COL14A1: variants seen among roughly 807,000 people sequenced by gnomAD.
COL14A1 encodes collagen alpha-1(XIV) chain.
Under a neutral mutation model 230.3 loss-of-function variants are expected in COL14A1, and 136 were observed. The ratio of observed to expected loss-of-function variants is 0.59; its 90% confidence interval spans 0.51 to 0.68. COL14A1 has a LOEUF of 0.68. COL14A1 is among the 30% of genes least tolerant of loss of function. COL14A1 has a pLI of 0.00. For missense variants in COL14A1, 1,976 were observed against 2,215.8 expected (o/e 0.89, Z 2.17); for synonymous variants, 792 against 784.1 (o/e 1.01, Z -0.17).
chr8:120,278,177 G>C lies in COL14A1; in HGVS notation c.3280G>C (p.Glu1094Gln). 1 of 1,612,170 alleles carries C rather than the reference G, an allele frequency of 6.2e-7. No individual in the cohort carries two copies. The highest frequency in any genetic ancestry group is 8.5e-7 in the Non-Finnish European group (1 of 1,179,066). ...TAAACTAAATGCTTACAAAACCAAA[G>C]AGACTCTTCTTGATGCAATTAAACA... The part of the protein sequence containing the change: ...EFKLNAYKTK[E>Q]TLLDAIKHIS... Residue 1094 changes from glutamate to glutamine, a missense_variant, in exon 27 of 48, where the codon GAG becomes CAG. Transcript: ENST00000297848.
chr8:120,255,294 G>A lies in COL14A1; in HGVS notation c.2807G>A (p.Cys936Tyr), dbSNP rs773388578. Reference sequence around the variant, plus strand: ...AAACATGTTGAAATGACCAGCTTGTGTGCCCACTGGCAGGTACATCGCCAT... The same window carrying A: ...AAACATGTTGAAATGACCAGCTTGTATGCCCACTGGCAGGTACATCGCCAT... The part of the protein sequence containing the change: ...QAKHVEMTSL[C>Y]AHWQVHRHAT... The change falls in exon 23 of 48, where the codon TGT (cysteine) becomes TAT (tyrosine). Residue 936 changes from cysteine to tyrosine, a missense_variant. Cys to Tyr is a radical substitution (Grantham distance 194, BLOSUM62 -2). Transcript: ENST00000297848. 3 of 1,614,162 alleles carry A rather than the reference G, an allele frequency of 1.9e-6. No individual in the cohort carries two copies. The highest frequency in any genetic ancestry group is 2.5e-6 in the Non-Finnish European group (3 of 1,180,014).
chr8:120,354,444 A>G (rs1362021149), intron 45 of COL14A1, among the ~76,000 whole-genome samples: 1 of 151,912 alleles, frequency 6.6e-6, no homozygotes, highest in East Asian at 1.9e-4. Context: ...TCTTTGATTA[A>G]CCCCATCTTT....
chr8:120,184,224 GATTTATTTATTTATTTATTT>G (rs10689956), intron 5 of COL14A1, among the ~76,000 whole-genome samples: 6 of 135,574 alleles, frequency 4.4e-5, no homozygotes, highest in African/African-American at 1.1e-4. Context: ...GGGGGGAAGA[GATTTATTTATTTATTTATTT>G]ATTTATTTAT....
intron 37 of COL14A1, among the ~76,000 whole-genome samples, chr8:120,313,511 C>T (rs1208917720): frequency 2.0e-5 from 3 of 151,888 alleles, no homozygotes; most frequent in African/African-American, 7.3e-5. Context: ...GCAGAGGAGT[C>T]CCCCCGAGGT....
At chr8:120,227,087 T>G in intron 16 of COL14A1, 133 bp from the exon 17 acceptor site, 2 of 957,372 alleles carry the variant, frequency 2.1e-6, no homozygotes, top group South Asian at 3.8e-5. Flanking sequence ...GTCTCTGGCT[T>G]GACCTTAAAA....
rs1171572474 is a variant in COL14A1, at chr8:120,352,012, C to T, written c.5077+6449C>T. Among the ~76,000 whole-genome samples, 80 of 86,032 alleles carry T rather than the reference C, an allele frequency of 9.3e-4. 13 individuals are homozygous for T. Among genetic ancestry groups the T allele is most frequent in the Middle Eastern group, 4.9e-3 (1 of 206 alleles). The allele number at this position is 86,032 out of a possible 152,430, so 56.4% of individuals were successfully genotyped here. On this transcript the variant is annotated intron_variant, in intron 45 of 47. Coordinates refer to ENST00000297848, the MANE Select transcript of COL14A1 (RefSeq NM_021110.4). Reference sequence around the variant, plus strand: ...CAATAAAATACTGGCAAAACGAATCCGGCAGCACATCAAAAAGCTTATCCA... The same window carrying T: ...CAATAAAATACTGGCAAAACGAATCTGGCAGCACATCAAAAAGCTTATCCA...
chr8:120,204,980 C>G (rs746635034), intron 9 of COL14A1, among the ~76,000 whole-genome samples: 2 of 152,094 alleles, frequency 1.3e-5, no homozygotes, highest in Non-Finnish European at 2.9e-5. Context: ...ACCTCTCACA[C>G]CAACCTAGCT....
chr8:120,332,362 C>T (rs1373152331), intron 41 of COL14A1, among the ~76,000 whole-genome samples, 168 bp downstream of exon 41: 1 of 152,164 alleles, frequency 6.6e-6, no homozygotes, highest in Middle Eastern at 3.2e-3. Flanking sequence ...AGATAATATA[C>T]CCATATTGCC....
rs537907022 is a variant in COL14A1 at position 120,349,205 on chromosome 8, G to C, written c.5077+3642G>C. 9.2e-3 allele frequency among the ~76,000 whole-genome samples: 1,398 copies of C among 151,596 alleles called. 9 individuals carry two copies. The highest frequency in any genetic ancestry group is 0.017 in the Middle Eastern group (5 of 292). On this transcript the variant is annotated intron_variant, in intron 45 of 47. Transcript: ENST00000297848. ...CTGTTAGAAGGAAAACTAACAAACA[G>C]AAAGGACATCCACACCAAAAACCCA...
At chr8:120,287,571 G>T (rs1416781538) in intron 33 of COL14A1, among the ~76,000 whole-genome samples, 1 of 152,122 alleles carries the variant, frequency 6.6e-6, no homozygotes, top group Non-Finnish European at 1.5e-5. Context: ...TTAGGTGAAG[G>T]TTAAGCTTTA....
intron 5 of COL14A1, among the ~76,000 whole-genome samples, chr8:120,176,590 G>A (rs908474624): frequency 4.6e-5 from 7 of 152,166 alleles, no homozygotes; most frequent in Admixed American, 3.9e-4. Flanking sequence ...GGGACTGTTA[G>A]GGTTTTAATT....
chr8:120,243,946 TCA>T lies in COL14A1; in HGVS notation c.2420_2421del (p.Thr807SerfsTer36). The T allele has an allele frequency of 6.2e-7, 1 of 1,613,580 alleles. No individual in the cohort carries two copies. The highest frequency in any genetic ancestry group is 8.5e-7 in the Non-Finnish European group (1 of 1,179,730). On this transcript the variant is annotated frameshift_variant, in exon 20 of 48. Coordinates refer to ENST00000297848, the MANE Select transcript of COL14A1 (RefSeq NM_021110.4). LOFTEE classifies it high-confidence loss of function. ...CTGCTTCCTGATACTGAATACAAAG[TCA>T]CAGTGACTCCCATCTACACGGATGG...
At chr8:120,162,350 C>A (rs2130543989) in intron 3 of COL14A1, 76 bp from the exon 4 acceptor site, 2 of 1,240,956 alleles carry the variant, frequency 1.6e-6, no homozygotes, top group Non-Finnish European at 2.2e-6. Flanking sequence ...ACCATAATTG[C>A]TAACTAATAA....
chr8:120,255,794 T>C (rs962766531), intron 23 of COL14A1, among the ~76,000 whole-genome samples: 5 of 150,980 alleles, frequency 3.3e-5, no homozygotes, highest in African/African-American at 1.2e-4. Context: ...TTTTTTTTTT[T>C]CTTTTGGGGA....
In COL14A1 at chr8:120,206,985, C is replaced by T; in HGVS notation, c.1082C>T (p.Thr361Ile). Residue 361 changes from threonine (T) to isoleucine (I), a missense_variant, in exon 10 of 48, where the codon ACT (threonine) becomes ATT (isoleucine). By Grantham distance (89) the Thr-to-Ile change is moderately conservative. Transcript: ENST00000297848. Reference sequence around the variant, plus strand: ...ACTGGGCCGCCTACGGAGTTGATTACTTCTGAAGTCACTGCCAGAAGCTTT... The same window carrying T: ...ACTGGGCCGCCTACGGAGTTGATTATTTCTGAAGTCACTGCCAGAAGCTTT... ...AITGPPTELI[T>I]SEVTARSFMV... 1.2e-6 allele frequency: 2 copies of T among 1,613,744 alleles called. No homozygotes were observed. Among genetic ancestry groups the T allele is most frequent in the Non-Finnish European group, 1.7e-6 (2 of 1,179,890 alleles).
At chr8:120,160,430 A>T (rs886868852) in intron 3 of COL14A1, among the ~76,000 whole-genome samples, 2 of 152,240 alleles carry the variant, frequency 1.3e-5, no homozygotes, top group East Asian at 3.9e-4. Flanking sequence ...CTGAGGAATC[A>T]CAGAATTGTA....
chr8:120,274,535 C>T (rs1293466057), intron 26 of COL14A1, among the ~76,000 whole-genome samples: 1 of 151,654 alleles, frequency 6.6e-6, no homozygotes, highest in African/African-American at 2.4e-5. Flanking sequence ...AGAAGTTAAA[C>T]TATTACTGTG....
In COL14A1 at chr8:120,211,284, T is replaced by C. The variant is rs28503413; in HGVS notation, c.1468-1164T>C. Reference sequence around the variant, plus strand: ...GGAATGGAAAATAGTGGTATATTTATAGAAAAGAATATCATAAAGGAATTA... The same window carrying C: ...GGAATGGAAAATAGTGGTATATTTACAGAAAAGAATATCATAAAGGAATTA... On this transcript the variant is annotated intron_variant, in intron 12 of 47. Transcript: ENST00000297848. Among the ~76,000 whole-genome samples, 141 of 152,294 alleles carry C rather than the reference T, an allele frequency of 9.3e-4. 1 individual carries two copies. The highest frequency in any genetic ancestry group is 3.2e-3 in the African/African-American group (135 of 41,578).
chr8:120,150,900 A>G (rs1815258745), intron 2 of COL14A1, among the ~76,000 whole-genome samples: 1 of 152,162 alleles, frequency 6.6e-6, no homozygotes, highest in Non-Finnish European at 1.5e-5. Flanking sequence ...TTAGGAAGGG[A>G]TATCAAAGTG....
Sources: gnomAD v4.1 joint callset for allele counts (sites outside exome capture counted in the v4.1 genomes callset) on GRCh38, gnomAD v4.1.1 for gene constraint, MANE v1.5 for transcripts, NCBI Gene and HGNC (gene_info 2026-07-23, HGNC 2026-07-21) for gene names.